Variants in ADAMTS20 observed in about 807,000 individuals in gnomAD.
ADAMTS20 encodes ADAM metallopeptidase with thrombospondin type 1 motif 20.
Under a neutral mutation model 260.1 loss-of-function variants are expected in ADAMTS20, and 225 were observed. That is an observed-to-expected ratio of 0.87 (90% CI 0.78 to 0.97). The LOEUF (loss-of-function observed/expected upper bound fraction) is 0.97. ADAMTS20 is among the 50% of genes least tolerant of loss of function. The pLI, the probability that ADAMTS20 is intolerant of heterozygous loss-of-function variation, is 0.00. For missense variants in ADAMTS20, 2,400 were observed against 2,337.7 expected (o/e 1.03, Z -0.55); for synonymous variants, 802 against 769.5 (o/e 1.04, Z -0.70).
Position 43,443,834 on chromosome 12 carries a change from A to C in ADAMTS20, c.2247T>G (p.Ile749Met), listed in dbSNP as rs1331302236. ...GTTGTCCAGAATAGCTGTACTGACG[A>C]ATGTCAACGTTTGTTGCTCCTGCGG... ...KIPAGATNVD[I>M]RQYSYSGQPD... The change falls in exon 16 of 39, where the codon ATT becomes ATG. Residue 749 changes from isoleucine to methionine, a missense_variant. By Grantham distance (10) the Ile-to-Met change is conservative. Transcript: ENST00000389420. 6.2e-7 allele frequency: 1 copy of C among 1,613,358 alleles called. No homozygotes were observed. Among genetic ancestry groups the C allele is most frequent in the Non-Finnish European group, 8.5e-7 (1 of 1,179,540 alleles).
In ADAMTS20 at chr12:43,430,365, G is replaced by T; in HGVS notation, c.3368C>A (p.Pro1123His). 6.2e-7 allele frequency: 1 copy of T among 1,610,600 alleles called. No individual in the cohort carries two copies. Residue 1123 changes from proline (P) to histidine (H), a missense_variant, in exon 23 of 39, where the codon CCC becomes CAC. Physicochemically the swap from Pro to His is moderately conservative, Grantham distance 77. Coordinates refer to ENST00000389420, the MANE Select transcript of ADAMTS20 (RefSeq NM_025003.5). ...EDTECHEASR[P>H]SDRQSCVLTP... is the part of the protein sequence containing the mutation. ...GATTCTTTTTACCTGTCTGTCACTG[G>T]GGCGACTAGCTTCATGGCATTCTGT...
At chr12:43,376,199 C>T (rs1322892448) in intron 34 of ADAMTS20, 37 bp downstream of exon 34, 1 of 1,542,022 alleles carries the variant, frequency 6.5e-7, no homozygotes, top group African/African-American at 1.4e-5. Flanking sequence ...AGTCAATGAT[C>T]AATGTTAAAA....
intron 4 of ADAMTS20, among the ~76,000 whole-genome samples, chr12:43,500,065 G>T (rs1326330254): frequency 6.7e-6 from 1 of 149,126 alleles, no homozygotes. Context: ...GTCTCAGTCT[G>T]TCGGCCAGAC....
intron 8 of ADAMTS20, among the ~76,000 whole-genome samples, chr12:43,468,137 A>T (rs540991464): frequency 6.6e-6 from 1 of 152,058 alleles, no homozygotes; most frequent in South Asian, 2.1e-4. Flanking sequence ...TGAATACTTT[A>T]AAAAAAATCT....
chr12:43,464,717 T>C lies in ADAMTS20; in HGVS notation c.1383A>G (p.Glu461=), dbSNP rs1942123879. 2.5e-6 allele frequency: 4 copies of C among 1,613,014 alleles called. No individual in the cohort carries two copies. Among genetic ancestry groups the C allele is most frequent in the Non-Finnish European group, 3.4e-6 (4 of 1,179,304 alleles). ...VTEFLDTGYG[E]CLLDKPDEEI... ...CTTCATCTGGTTTGTCAAGAAGACATTCCCCGTAACCAGTACTGTAACAGT... is the reference window on the plus strand; with the variant it reads ...CTTCATCTGGTTTGTCAAGAAGACACTCCCCGTAACCAGTACTGTAACAGT... The change falls in exon 10 of 39, where the codon GAA becomes GAG. Residue 461 remains glutamate (E), a synonymous_variant. Coordinates refer to ENST00000389420, the MANE Select transcript of ADAMTS20 (RefSeq NM_025003.5).
intron 28 of ADAMTS20, among the ~76,000 whole-genome samples, chr12:43,417,226 C>G (rs1197911012): frequency 1.3e-5 from 2 of 152,098 alleles, no homozygotes; most frequent in Non-Finnish European, 2.9e-5. Flanking sequence ...TCTGGGTTTC[C>G]CTGAGTCACA....
intron 11 of ADAMTS20, among the ~76,000 whole-genome samples, chr12:43,456,615 T>G (rs897173406): frequency 6.6e-6 from 1 of 152,182 alleles, no homozygotes; most frequent in African/African-American, 2.4e-5. Context: ...ATTTTTCCTT[T>G]CTGCAAAAAG....
At chr12:43,492,713 A>G (rs994810530) in intron 5 of ADAMTS20, 84 bp from the exon 6 acceptor site, 15 of 1,461,900 alleles carry the variant, frequency 1.0e-5, no homozygotes, top group Non-Finnish European at 1.3e-5. Context: ...TGCACAATTT[A>G]TCAAATAGCA....
chr12:43,439,777 C>T (rs767344668), intron 17 of ADAMTS20, 26 bp from the exon 18 acceptor site: 7 of 1,584,298 alleles, frequency 4.4e-6, no homozygotes, highest in South Asian at 3.5e-5. Context: ...AAAGAACATA[C>T]AATTAATACA....
At chr12:43,512,747 A>G (rs74749031) in intron 3 of ADAMTS20, among the ~76,000 whole-genome samples, 1 of 152,296 alleles carries the variant, frequency 6.6e-6, no homozygotes, top group East Asian at 1.9e-4. Flanking sequence ...TATTGTGTAC[A>G]TTTTAAAACA....
At chr12:43,496,288 A>G (rs1339648776) in intron 4 of ADAMTS20, among the ~76,000 whole-genome samples, 1 of 152,234 alleles carries the variant, frequency 6.6e-6, no homozygotes, top group Non-Finnish European at 1.5e-5. Context: ...CATTTTACAG[A>G]TAAGAACAGT....
intron 28 of ADAMTS20, among the ~76,000 whole-genome samples, chr12:43,406,375 TA>T (rs1193204648): frequency 2.0e-5 from 3 of 152,200 alleles, no homozygotes; most frequent in African/African-American, 7.2e-5. Context: ...AAATTTTTAA[TA>T]AAAAACATAT....
rs141422717 is a variant in ADAMTS20, at chr12:43,537,181, C to T, written c.454-4986G>A. ...ACCTCCCAGGCTCAAGCAATCCCCC[C>T]ACCTCAGCCTCCCATAACTGGCGGA... On this transcript the variant is annotated intron_variant, in intron 2 of 38. Transcript: ENST00000389420. Among the ~76,000 whole-genome samples the T allele has an allele frequency of 3.9e-3, 598 of 152,048 alleles. 10 individuals are homozygous for T. Among genetic ancestry groups the T allele is most frequent in the African/African-American group, 0.014 (573 of 41,476 alleles).
intron 7 of ADAMTS20, among the ~76,000 whole-genome samples, chr12:43,483,167 G>T (rs1262934003): frequency 6.6e-6 from 1 of 152,170 alleles, no homozygotes; most frequent in African/African-American, 2.4e-5. Flanking sequence ...CACATCTCTG[G>T]ATTCCTTGCA....
intron 8 of ADAMTS20, among the ~76,000 whole-genome samples, chr12:43,468,329 G>A (rs1297451849): frequency 1.3e-5 from 2 of 152,122 alleles, no homozygotes; most frequent in Non-Finnish European, 2.9e-5. Context: ...AGAGACAGAG[G>A]CCAGAAGTGC....
At chr12:43,521,829 G>A (rs1231040466) in intron 3 of ADAMTS20, among the ~76,000 whole-genome samples, 1 of 151,892 alleles carries the variant, frequency 6.6e-6, no homozygotes, top group Non-Finnish European at 1.5e-5. Context: ...TTACTCTCCT[G>A]ATATAGTAAA....
intron 37 of ADAMTS20, 109 bp downstream of exon 37, chr12:43,369,181 A>T (rs1940049273): frequency 1.7e-6 from 1 of 600,772 alleles, no homozygotes; most frequent in Non-Finnish European, 2.5e-6. Context: ...GAAGTTTTGC[A>T]TTTCTATTTA....
rs1365266650 is a variant in ADAMTS20, at chr12:43,432,782, G to A, written c.2750C>T (p.Ser917Leu). The A allele has an allele frequency of 3.3e-5, 53 of 1,613,732 alleles. No homozygotes were observed. The highest frequency in any genetic ancestry group is 4.2e-5 in the Non-Finnish European group (50 of 1,179,820). Residue 917 changes from serine (S) to leucine (L), a missense_variant, in exon 20 of 39, where the codon TCA (serine) becomes TTA (leucine). Ser to Leu is a moderately radical substitution (Grantham distance 145, BLOSUM62 -2). Coordinates refer to ENST00000389420, the MANE Select transcript of ADAMTS20 (RefSeq NM_025003.5). ...RWHVIGKSECSSQCGQGYRTL... is the reference protein window; with the variant it reads ...RWHVIGKSECLSQCGQGYRTL... ...TCTATATCCTTGACCACATTGGGAT[G>A]AACATTCACTTTTGCCAATAACATG...
At position 43,377,566 on chromosome 12, in the gene ADAMTS20, A is replaced by G; in HGVS notation, c.4798-4T>C. 2 of 1,601,594 alleles carry G rather than the reference A, an allele frequency of 1.2e-6. No homozygotes were observed. Among genetic ancestry groups the G allele is most frequent in the Non-Finnish European group, 1.7e-6 (2 of 1,172,070 alleles). Reference sequence around the variant, plus strand: ...TAAATCCACAGTTGTTTGCACACTGAAAAATACATAATTACAAGAAAGAAA... The same window carrying G: ...TAAATCCACAGTTGTTTGCACACTGGAAAATACATAATTACAAGAAAGAAA... On this transcript the variant is annotated splice_polypyrimidine_tract_variant and splice_region_variant and intron_variant, in intron 31 of 38. Coordinates refer to ENST00000389420, the MANE Select transcript of ADAMTS20 (RefSeq NM_025003.5).
Sources: allele counts gnomAD v4.1 joint callset (sites outside exome capture counted in the v4.1 genomes callset), GRCh38; gene constraint gnomAD v4.1.1; transcripts MANE v1.5; gene names NCBI Gene and HGNC (gene_info 2026-07-23, HGNC 2026-07-21).